The following FNIP2 variants were observed in gnomAD, a reference collection of about 807,000 sequenced individuals.
FNIP2 encodes folliculin interacting protein 2, also known as folliculin-interacting protein 2.
In FNIP2, 32 loss-of-function variants were observed where a neutral mutation model predicts 108.7. The observed-to-expected ratio is 0.29, with a 90% CI of 0.22 to 0.40. The LOEUF is 0.40. FNIP2 is among the 10% of genes least tolerant of loss of function. The pLI, the probability that FNIP2 is intolerant of heterozygous loss-of-function variation, is 1.00. For synonymous variants in FNIP2, 480 were observed against 496.7 expected (o/e 0.97, Z 0.45); for missense variants, 1,202 against 1,381.6 (o/e 0.87, Z 2.06).
chr4:158,883,306 G>A (rs952786331), intron 14 of FNIP2, among the ~76,000 whole-genome samples: 5 of 151,970 alleles, frequency 3.3e-5, no homozygotes, highest in Non-Finnish European at 7.4e-5. Flanking sequence ...CAGTGGCGCA[G>A]TCTCGGCTCA....
chr4:158,860,316 TA>T (rs1012430927), intron 10 of FNIP2, among the ~76,000 whole-genome samples: 75 of 150,510 alleles, frequency 5.0e-4, no homozygotes, highest in African/African-American at 1.6e-3. Context: ...AGAGGAAGGA[TA>T]AAAAAAAAAT....
At chr4:158,893,662 T>G (rs749959104) in intron 15 of FNIP2, 1 of 1,566,998 alleles carries the variant, frequency 6.4e-7, no homozygotes, top group East Asian at 2.3e-5. Context: ...AGTAGGCAGT[T>G]TCTCCTTCTA....
At chr4:158,893,623 T>C in intron 15 of FNIP2, 1 of 1,272,832 alleles carries the variant, frequency 7.9e-7, no homozygotes, top group Admixed American at 2.0e-5. Context: ...ACTTGTGGAT[T>C]ATTATGATCT....
chr4:158,870,210 T>A, intron 13 of FNIP2, 103 bp from the exon 14 acceptor site: 1 of 1,284,222 alleles, frequency 7.8e-7, no homozygotes, highest in South Asian at 1.5e-5. Context: ...CCACCCTGAA[T>A]CTATTTTATT....
At chr4:158,777,579 CTGTT>C (rs1775900952) in intron 1 of FNIP2, among the ~76,000 whole-genome samples, 1 of 152,182 alleles carries the variant, frequency 6.6e-6, no homozygotes, top group African/African-American at 2.4e-5. Flanking sequence ...CAGGCAATGA[CTGTT>C]TGCTTTAGAA....
intron 15 of FNIP2, among the ~76,000 whole-genome samples, chr4:158,892,079 AAACATTTCC>A (rs1357943300): frequency 3.9e-5 from 6 of 152,070 alleles, no homozygotes; most frequent in Non-Finnish European, 7.4e-5. Context: ...TCATTTGTGT[AAACATTTCC>A]AACATTTCCA....
At chr4:158,880,861 G>T (rs906213538) in intron 14 of FNIP2, among the ~76,000 whole-genome samples, 13 of 152,098 alleles carry the variant, frequency 8.5e-5, no homozygotes, top group African/African-American at 3.1e-4. Context: ...AGTTATATAG[G>T]TGGGTCTTCT....
At chr4:158,864,252 G>C (rs1025355008) in intron 12 of FNIP2, among the ~76,000 whole-genome samples, 2 of 152,096 alleles carry the variant, frequency 1.3e-5, no homozygotes, top group Non-Finnish European at 2.9e-5. Context: ...CGCTGGTCTT[G>C]AACTGGGCTC....
In FNIP2 at chr4:158,832,619, G is replaced by A. The variant is rs549945402; in HGVS notation, c.554+481G>A. Among the ~76,000 whole-genome samples the A allele has an allele frequency of 3.9e-5, 6 of 152,188 alleles. No homozygotes were observed. In the East Asian group the frequency reaches 1.2e-3, roughly 29 times the overall value. ...TATAAATTAAAGGACATTCTTAGGG[G>A]TCAAGTAAAAGCTGTTTTTTCTTAT... On this transcript the variant is annotated intron_variant, in intron 5 of 16. Coordinates refer to ENST00000264433, the MANE Select transcript of FNIP2 (RefSeq NM_020840.3).
intron 14 of FNIP2, 112 bp downstream of exon 14, chr4:158,870,581 G>A: frequency 7.3e-7 from 1 of 1,360,992 alleles, no homozygotes; most frequent in Non-Finnish European, 1.0e-6. Context: ...TGTTTATGGA[G>A]ATGTGGGCAG....
At chr4:158,780,420 A>T (rs994784965) in intron 1 of FNIP2, among the ~76,000 whole-genome samples, 4 of 152,240 alleles carry the variant, frequency 2.6e-5, no homozygotes, top group Non-Finnish European at 5.9e-5. Context: ...TCTAACATTT[A>T]AAAAATAATA....
chr4:158,814,831 C>T (rs1211727687), intron 1 of FNIP2, among the ~76,000 whole-genome samples: 1 of 152,086 alleles, frequency 6.6e-6, no homozygotes, highest in East Asian at 1.9e-4. Flanking sequence ...AGGTGGTTTC[C>T]CTGTAGGAGT....
intron 1 of FNIP2, among the ~76,000 whole-genome samples, chr4:158,775,083 G>T (rs180726309): frequency 1.3e-5 from 2 of 152,264 alleles, no homozygotes; most frequent in Non-Finnish European, 2.9e-5. Context: ...TTGCCGTTGT[G>T]TTTCCTTGGA....
In FNIP2 at chr4:158,869,330, A is replaced by G. The variant is rs1229543516; in HGVS notation, c.2694A>G (p.Gly898=). Residue 898 remains glycine, a synonymous_variant, in exon 13 of 17, where the codon GGA becomes GGG. Coordinates refer to ENST00000264433, the MANE Select transcript of FNIP2 (RefSeq NM_020840.3). The part of the protein sequence containing the change: ...PRNESSDSAL[G]DSDDEACASA... Reference sequence around the variant, plus strand: ...ATGAAAGCTCAGATAGCGCCCTGGGAGACAGTGACGACGAAGCCTGCGCTT... The same window carrying G: ...ATGAAAGCTCAGATAGCGCCCTGGGGGACAGTGACGACGAAGCCTGCGCTT... The G allele has an allele frequency of 2.5e-6, 4 of 1,613,532 alleles. No homozygotes were observed. Among genetic ancestry groups the G allele is most frequent in the Non-Finnish European group, 3.4e-6 (4 of 1,179,754 alleles).
intron 1 of FNIP2, among the ~76,000 whole-genome samples, chr4:158,775,340 G>A (rs1243059699): frequency 6.6e-6 from 1 of 152,132 alleles, no homozygotes; most frequent in African/African-American, 2.4e-5. Context: ...CTTTCCTTTG[G>A]ATGTAAGAGT....
At chr4:158,800,472 A>G (rs1052098972) in intron 1 of FNIP2, among the ~76,000 whole-genome samples, 5 of 152,242 alleles carry the variant, frequency 3.3e-5, no homozygotes, top group African/African-American at 1.2e-4. Flanking sequence ...TTCAGCTGTC[A>G]GAAATTGTTT....
Position 158,859,064 on chromosome 4 carries a change from G to A in FNIP2, c.865G>A (p.Asp289Asn). The A allele has an allele frequency of 6.2e-7, 1 of 1,613,820 alleles. No homozygotes were observed. The highest frequency in any genetic ancestry group is 8.5e-7 in the Non-Finnish European group (1 of 1,179,800). The change falls in exon 9 of 17, where the codon GAT becomes AAT. Residue 289 changes from aspartate to asparagine, a missense_variant. Coordinates refer to ENST00000264433, the MANE Select transcript of FNIP2 (RefSeq NM_020840.3). The part of the protein sequence containing the change: ...ENGIIPRRST[D>N]ETFSLAEETC... ...ACTTATATTTCCCTCCAGGTCAACT[G>A]ATGAGACATTCAGCTTGGCTGAAGA... is the stretch of plus-strand genomic sequence containing the variant.
intron 5 of FNIP2, 30 bp downstream of exon 5, chr4:158,832,168 C>T: frequency 2.6e-6 from 4 of 1,560,168 alleles, no homozygotes; most frequent in Non-Finnish European, 3.5e-6. Context: ...TTCCCCACCC[C>T]CATTTTTTAA....
rs921303747 is a variant in FNIP2 at position 158,851,919 on chromosome 4, A to G, written c.857+469A>G. 2.6e-5 allele frequency among the ~76,000 whole-genome samples: 4 copies of G among 152,240 alleles called. No individual in the cohort carries two copies. In the East Asian group the frequency reaches 5.8e-4, roughly 22 times the overall value. ...GAACATGATTTTAAATAGAGATGGCATCTAGGTATTTTCTGTCTTTATTTC... is the reference window on the plus strand; with the variant it reads ...GAACATGATTTTAAATAGAGATGGCGTCTAGGTATTTTCTGTCTTTATTTC... On this transcript the variant is annotated intron_variant, in intron 8 of 16. Transcript: ENST00000264433.
Sources: allele counts gnomAD v4.1 joint callset (sites outside exome capture counted in the v4.1 genomes callset), GRCh38; gene constraint gnomAD v4.1.1; transcripts MANE v1.5; gene names NCBI Gene and HGNC (gene_info 2026-07-23, HGNC 2026-07-21).